STXBP5L: variants seen among roughly 807,000 people sequenced by gnomAD.
STXBP5L encodes syntaxin binding protein 5L.
STXBP5L carries 65 observed loss-of-function variants against 144.5 expected under a neutral mutation model. That is an observed-to-expected ratio of 0.45 (90% confidence interval 0.37 to 0.55). The LOEUF (loss-of-function observed/expected upper bound fraction) is 0.55. Ranked by LOEUF, STXBP5L falls within the 20% of genes least tolerant of loss-of-function variation. The probability of loss-of-function intolerance (pLI) is 0.00; values close to 1 mark genes in which losing one functional copy is unlikely to be tolerated. For missense variants in STXBP5L, 1,298 were observed against 1,405.5 expected, an observed-to-expected ratio of 0.92 and a Z score of 1.22; for synonymous variants, 505 against 469.6, an observed-to-expected ratio of 1.08 and a Z score of -0.97.
At chr3:120,917,590 G>C (rs1227363809) in intron 2 of STXBP5L, among the ~76,000 whole-genome samples, 1 of 152,038 alleles carries the variant, frequency 6.6e-6, no homozygotes, top group Admixed American at 6.6e-5. Flanking sequence ...AGCTACTGAG[G>C]AGGATGAGGG....
At chr3:121,079,986 T>A (rs1389746424) in intron 5 of STXBP5L, among the ~76,000 whole-genome samples, 1 of 152,232 alleles carries the variant, frequency 6.6e-6, no homozygotes, top group Non-Finnish European at 1.5e-5. Flanking sequence ...ACTAATTGTT[T>A]AATATATTTG....
intron 23 of STXBP5L, among the ~76,000 whole-genome samples, chr3:121,410,892 CT>C (rs1341193231): frequency 6.6e-6 from 1 of 152,036 alleles, no homozygotes; most frequent in Non-Finnish European, 1.5e-5. Context: ...GTGACTACAC[CT>C]CTTTAATTTT....
At chr3:121,283,362 A>G (rs948202368) in intron 19 of STXBP5L, among the ~76,000 whole-genome samples, 2 of 151,884 alleles carry the variant, frequency 1.3e-5, no homozygotes, top group Non-Finnish European at 1.5e-5. Flanking sequence ...AAGTTGAGTA[A>G]TTTTTGCTCA....
chr3:121,361,135 T>G lies in STXBP5L; in HGVS notation c.2177-17581T>G, dbSNP rs184790936. ...TACTACTTTCTCCTATCCTGTAAAG[T>G]TTCCACTGAAAAGTCTGCTGCCCAG... On this transcript the variant is annotated intron_variant, in intron 20 of 26. Transcript: ENST00000471454. Among the ~76,000 whole-genome samples, 558 of 152,324 alleles carry G rather than the reference T, an allele frequency of 3.7e-3. 2 individuals carry two copies. The highest frequency in any genetic ancestry group is 0.013 in the African/African-American group (535 of 41,574).
Position 121,192,165 on chromosome 3 carries a change from T to C in STXBP5L, c.878-13758T>C, listed in dbSNP as rs148496013. Among the ~76,000 whole-genome samples the C allele has an allele frequency of 9.3e-4, 142 of 152,260 alleles. 1 individual carries two copies. The highest frequency in any genetic ancestry group is 3.2e-3 in the African/African-American group (132 of 41,556). ...AATCAATGTGCAAAAATCACAACCA[T>C]TCTTATACACCAATAACAGACAGAG... On this transcript the variant is annotated intron_variant, in intron 9 of 26. Transcript: ENST00000471454.
At chr3:121,169,545 T>C (rs531452487) in intron 9 of STXBP5L, among the ~76,000 whole-genome samples, 1 of 152,166 alleles carries the variant, frequency 6.6e-6, no homozygotes, top group Non-Finnish European at 1.5e-5. Context: ...AGAGTTGCAA[T>C]CCTAGTCTTT....
intron 20 of STXBP5L, among the ~76,000 whole-genome samples, chr3:121,344,331 A>T (rs1017532531): frequency 7.2e-5 from 11 of 152,198 alleles, no homozygotes; most frequent in African/African-American, 2.7e-4. Context: ...TTCAGGACAT[A>T]GGCATGGGCA....
intron 3 of STXBP5L, among the ~76,000 whole-genome samples, chr3:120,998,222 G>T (rs1276705630): frequency 2.0e-5 from 3 of 152,126 alleles, no homozygotes; most frequent in Non-Finnish European, 4.4e-5. Flanking sequence ...AGTACTGGAA[G>T]TCCTAGCCAG....
At chr3:121,204,654 A>C (rs1464121998) in intron 9 of STXBP5L, among the ~76,000 whole-genome samples, 1 of 151,734 alleles carries the variant, frequency 6.6e-6, no homozygotes, top group Non-Finnish European at 1.5e-5. Flanking sequence ...TATGTAATAG[A>C]TAATGTATTA....
At chr3:121,263,825 A>C (rs541663540) in intron 18 of STXBP5L, among the ~76,000 whole-genome samples, 1 of 152,300 alleles carries the variant, frequency 6.6e-6, no homozygotes, top group Admixed American at 6.5e-5. Flanking sequence ...AAAAGACCAA[A>C]CCTATGTTTG....
intron 19 of STXBP5L, among the ~76,000 whole-genome samples, chr3:121,314,456 G>A (rs764762855): frequency 2.1e-5 from 3 of 143,132 alleles, no homozygotes; most frequent in African/African-American, 2.6e-5. Flanking sequence ...CCAGTCAGGC[G>A]TGGCGGCGCG....
intron 7 of STXBP5L, among the ~76,000 whole-genome samples, chr3:121,148,548 C>T (rs1370095383): frequency 1.3e-5 from 2 of 152,118 alleles, no homozygotes; most frequent in East Asian, 3.9e-4. Context: ...TAATATTTTT[C>T]CTCCTGAAAT....
At chr3:121,368,769 G>A (rs2045940846) in intron 20 of STXBP5L, among the ~76,000 whole-genome samples, 1 of 151,842 alleles carries the variant, frequency 6.6e-6, no homozygotes, top group Admixed American at 6.6e-5. Flanking sequence ...GGATATGTGT[G>A]GTCATTTTCT....
At chr3:120,922,545 C>A (rs560696636) in intron 2 of STXBP5L, among the ~76,000 whole-genome samples, 2 of 151,846 alleles carry the variant, frequency 1.3e-5, no homozygotes, top group Non-Finnish European at 2.9e-5. Context: ...TTGCTCCAGA[C>A]TTTAGAGGAA....
At chr3:121,080,724 T>A (rs528412674) in intron 5 of STXBP5L, among the ~76,000 whole-genome samples, 13 of 152,188 alleles carry the variant, frequency 8.5e-5, no homozygotes, top group Admixed American at 5.9e-4. Flanking sequence ...CCTTATAGGT[T>A]TTTCTTTATA....
At chr3:121,402,303 G>A (rs1007585646) in intron 22 of STXBP5L, among the ~76,000 whole-genome samples, 4 of 152,150 alleles carry the variant, frequency 2.6e-5, no homozygotes, top group African/African-American at 7.2e-5. Flanking sequence ...GAGAAGTTCC[G>A]TGGAAGTTGA....
At chr3:121,375,009 GA>G in intron 20 of STXBP5L, among the ~76,000 whole-genome samples, 1 of 141,920 alleles carries the variant, frequency 7.0e-6, no homozygotes, top group African/African-American at 2.6e-5. Context: ...TGAAGACTCA[GA>G]AGGGTGGGAG....
At chr3:120,994,499 A>T (rs1035965260) in intron 3 of STXBP5L, among the ~76,000 whole-genome samples, 1 of 151,870 alleles carries the variant, frequency 6.6e-6, no homozygotes, top group African/African-American at 2.4e-5. Context: ...TTATTTTGAG[A>T]GTTGAGATGT....
chr3:121,314,019 C>A (rs1436738598), intron 19 of STXBP5L, among the ~76,000 whole-genome samples: 2 of 151,368 alleles, frequency 1.3e-5, no homozygotes, highest in Non-Finnish European at 2.9e-5. Context: ...CAGAGACGCT[C>A]CTCACTTCCT....
Sources: allele counts gnomAD v4.1 joint callset (sites outside exome capture counted in the v4.1 genomes callset), GRCh38; gene constraint gnomAD v4.1.1; transcripts MANE v1.5; gene names NCBI Gene and HGNC (gene_info 2026-07-23, HGNC 2026-07-21).